Variants in STEEP1 observed in about 807,000 individuals in gnomAD.
STEEP1 encodes STING ER exit protein.
STEEP1 carries 3 observed loss-of-function variants against 19.2 expected under a neutral mutation model. The observed-to-expected ratio is 0.16, with a 90% CI of 0.07 to 0.40. The LOEUF (loss-of-function observed/expected upper bound fraction) is 0.40, where lower values mean the gene tolerates loss of function less well. Ranked by LOEUF, STEEP1 falls within the 10% of genes least tolerant of loss-of-function variation. The pLI, the probability that STEEP1 is intolerant of heterozygous loss-of-function variation, is 0.99. For synonymous variants in STEEP1, 46 were observed against 63.7 expected (o/e 0.72, Z 1.32); for missense variants, 54 against 177.1 (o/e 0.30, Z 3.94).
At chrX:119,542,743 A>C (rs1192316675) in intron 4 of STEEP1, 149 bp from the exon 5 acceptor site, 4 of 349,539 alleles carry the variant, frequency 1.1e-5, no homozygotes, top group Non-Finnish European at 2.0e-5. Context: ...TAAAAGTGCC[A>C]ATGTTTTTAT....
At chrX:119,556,126 C>T (rs2053276759) in intron 2 of STEEP1, among the ~76,000 whole-genome samples, 1 of 111,143 alleles carries the variant, frequency 9.0e-6, no homozygotes, top group African/African-American at 3.3e-5. Flanking sequence ...TCCCAAGAAG[C>T]AGGATGGAAT....
chrX:119,552,545 C>T (rs974959427), intron 2 of STEEP1, among the ~76,000 whole-genome samples: 1 of 112,357 alleles, frequency 8.9e-6, no homozygotes, highest in African/African-American at 3.2e-5. Context: ...CCATGCCCTC[C>T]CTGGACACGC....
At chrX:119,539,883 C>A in intron 6 of STEEP1, 94 bp from the exon 7 acceptor site, 1 of 614,230 alleles carries the variant, frequency 1.6e-6, no homozygotes, top group South Asian at 2.8e-5. Context: ...CCTTAATGTT[C>A]ATTTAGTGTA....
At position 119,542,128 on chromosome X, in the gene STEEP1, G is replaced by A. The variant is rs180673884; in HGVS notation, c.513+377C>T. 8.0e-5 allele frequency among the ~76,000 whole-genome samples: 8 copies of A among 100,302 alleles called. No homozygotes were observed. The East Asian group carries it at 1.9e-3, about 24-fold the overall frequency. The allele number at this position is 100,302 out of a possible 115,157, so 87.1% of individuals were successfully genotyped here. A position where few individuals can be genotyped will look rare whatever the true frequency, so the allele number is the denominator to read the frequency against. On this transcript the variant is annotated intron_variant, in intron 5 of 6. Transcript: ENST00000644802. ...TGTCCCCAGGCTGGAGTGCACTGGCGCAATCTCGGTTCACTGAAGCCTCCA... is the reference window on the plus strand; with the variant it reads ...TGTCCCCAGGCTGGAGTGCACTGGCACAATCTCGGTTCACTGAAGCCTCCA...
chrX:119,558,604 G>C (rs1428988815), intron 2 of STEEP1, among the ~76,000 whole-genome samples: 1 of 111,614 alleles, frequency 9.0e-6, no homozygotes, highest in Non-Finnish European at 1.9e-5. Context: ...GAACATAGTA[G>C]GAGCTCGGTA....
intron 1 of STEEP1, among the ~76,000 whole-genome samples, chrX:119,560,737 C>T (rs766383458): frequency 1.4e-4 from 16 of 111,582 alleles, no homozygotes; most frequent in Non-Finnish European, 2.6e-4. Flanking sequence ...TCATAGTACA[C>T]TTGGTTTGTG....
chrX:119,559,830 C>G (rs1168330093), intron 2 of STEEP1, among the ~76,000 whole-genome samples: 1 of 112,316 alleles, frequency 8.9e-6, no homozygotes. Flanking sequence ...GGGAGAATCA[C>G]TTGAGGCCAG....
At chrX:119,563,247 T>C (rs2053332977) in intron 1 of STEEP1, among the ~76,000 whole-genome samples, 1 of 111,571 alleles carries the variant, frequency 9.0e-6, no homozygotes, top group Non-Finnish European at 1.9e-5. Context: ...TGGACTACAG[T>C]GTTAGAAGTG....
At chrX:119,552,743 C>T (rs1162917530) in intron 2 of STEEP1, among the ~76,000 whole-genome samples, 1 of 112,735 alleles carries the variant, frequency 8.9e-6, no homozygotes, top group Non-Finnish European at 1.9e-5. Flanking sequence ...CTCTGTGCAG[C>T]ATTCCTTTCT....
At chrX:119,562,779 G>A (rs2053329548) in intron 1 of STEEP1, among the ~76,000 whole-genome samples, 1 of 111,316 alleles carries the variant, frequency 9.0e-6, no homozygotes, top group African/African-American at 3.3e-5. Context: ...ATGATTTTGG[G>A]TAATGATAAG....
At chrX:119,557,483 A>C (rs1230508778) in intron 2 of STEEP1, among the ~76,000 whole-genome samples, 1 of 60,073 alleles carries the variant, frequency 1.7e-5, no homozygotes, top group East Asian at 8.5e-4. Flanking sequence ...CATCTCAAAA[A>C]AAAAAAAAAA....
intron 2 of STEEP1, among the ~76,000 whole-genome samples, chrX:119,551,796 T>C (rs2053243788): frequency 9.0e-6 from 1 of 111,199 alleles, no homozygotes. Flanking sequence ...AATTCAGTTC[T>C]GACACTGTCT....
At chrX:119,555,410 A>C (rs2053272451) in intron 2 of STEEP1, among the ~76,000 whole-genome samples, 1 of 110,692 alleles carries the variant, frequency 9.0e-6, no homozygotes, top group South Asian at 3.8e-4. Flanking sequence ...GGAGTCCTTA[A>C]TGGATTGGGC....
chrX:119,543,517 C>T (rs1005203596), intron 4 of STEEP1, among the ~76,000 whole-genome samples: 1 of 109,792 alleles, frequency 9.1e-6, no homozygotes, highest in Non-Finnish European at 1.9e-5. Flanking sequence ...CAGGGTCTTA[C>T]TGTCACCCAG....
At chrX:119,542,793 T>C (rs745758129) in intron 4 of STEEP1, 199 bp from the exon 5 acceptor site, 10 of 312,719 alleles carry the variant, frequency 3.2e-5, no homozygotes, top group African/African-American at 1.9e-4. Context: ...AGGCTCTTAT[T>C]TTTTTTTAAT....
intron 2 of STEEP1, among the ~76,000 whole-genome samples, chrX:119,559,227 A>AAAC (rs2053304977): frequency 9.3e-6 from 1 of 107,847 alleles, no homozygotes; most frequent in Non-Finnish European, 1.9e-5. Context: ...AAAAAAAAAA[A>AAAC]AACGGAGATG....
intron 2 of STEEP1, among the ~76,000 whole-genome samples, chrX:119,557,409 C>G (rs2053288041): frequency 9.8e-6 from 1 of 101,901 alleles, no homozygotes; most frequent in East Asian, 3.0e-4. Flanking sequence ...ACCAGCCTGG[C>G]CAACATGGTG....
intron 5 of STEEP1, 45 bp from the exon 6 acceptor site, chrX:119,541,465 G>A (rs772731868): frequency 7.9e-6 from 6 of 761,077 alleles, no homozygotes; most frequent in Admixed American, 6.7e-5. Flanking sequence ...TCTCACCAAG[G>A]AATAACAACA....
chrX:119,542,422 A>C, intron 5 of STEEP1, 83 bp downstream of exon 5: 4 of 667,136 alleles, frequency 6.0e-6, no homozygotes, highest in Non-Finnish European at 9.8e-6. Context: ...TATTTCCACT[A>C]CTCCAAGGCT....
Sources: gnomAD v4.1 joint callset for allele counts (sites outside exome capture counted in the v4.1 genomes callset) on GRCh38, gnomAD v4.1.1 for gene constraint, MANE v1.5 for transcripts, NCBI Gene and HGNC (gene_info 2026-07-23, HGNC 2026-07-21) for gene names.